Variants in SLC35F3 observed in about 807,000 individuals in gnomAD.
SLC35F3 encodes the protein solute carrier family 35 member F3, also known as putative thiamine transporter SLC35F3.
In SLC35F3, 25 loss-of-function variants were observed where a neutral mutation model predicts 49.9. That is an observed-to-expected ratio of 0.50 (90% CI 0.37 to 0.70). The LOEUF (loss-of-function observed/expected upper bound fraction) is 0.70. SLC35F3 is among the 30% of genes least tolerant of loss of function. The pLI, the probability that SLC35F3 is intolerant of heterozygous loss-of-function variation, is 0.00. For missense variants in SLC35F3, 525 were observed against 639.8 expected (o/e 0.82, Z 1.94); for synonymous variants, 275 against 265.4 (o/e 1.04, Z -0.35).
chr1:234,320,237 C>G lies in SLC35F3; in HGVS notation c.1237+50C>G. The stretch of plus-strand genomic sequence containing the variant: ...CTGCACATAAGCACACACACTCAGT[C>G]ACCTACTCACACACACATACACACA... On this transcript the variant is annotated intron_variant, in intron 7 of 7. Transcript: ENST00000366618. This position sits in a 1 kb window ranked among gnomAD's most constrained non-coding sequence, Gnocchi z 4.8. The G allele has an allele frequency of 7.8e-7, 1 of 1,281,710 alleles. No homozygotes were observed. Among genetic ancestry groups the G allele is most frequent in the Non-Finnish European group, 1.1e-6 (1 of 879,278 alleles). The allele number at this position is 1,281,710 out of a possible 1,614,324, so 79.4% of individuals were successfully genotyped here.
chr1:234,066,828 TCCCACA>T (rs1296889950), intron 2 of SLC35F3, among the ~76,000 whole-genome samples: 13 of 99,156 alleles, frequency 1.3e-4, no homozygotes, highest in South Asian at 4.0e-4. Flanking sequence ...TCCCTCTCTC[TCCCACA>T]CACACACACA....
At chr1:234,069,457 G>A (rs920178742) in intron 2 of SLC35F3, among the ~76,000 whole-genome samples, 4 of 151,808 alleles carry the variant, frequency 2.6e-5, no homozygotes, top group Non-Finnish European at 4.4e-5. Context: ...GAGTTTCACC[G>A]TGTTAGCCAG....
intron 2 of SLC35F3, among the ~76,000 whole-genome samples, chr1:233,915,845 A>G (rs1027029087): frequency 6.6e-6 from 1 of 152,176 alleles, no homozygotes; most frequent in African/African-American, 2.4e-5. Context: ...CTTATTCACT[A>G]TCATGAGAAC....
At chr1:234,062,229 C>T (rs2102863204) in intron 2 of SLC35F3, among the ~76,000 whole-genome samples, 1 of 152,210 alleles carries the variant, frequency 6.6e-6, no homozygotes, top group South Asian at 2.1e-4. Flanking sequence ...AGCTCCATTG[C>T]CTGAAGTTTC....
At chr1:234,028,893 C>T (rs1664016835) in intron 2 of SLC35F3, among the ~76,000 whole-genome samples, 1 of 152,020 alleles carries the variant, frequency 6.6e-6, no homozygotes, top group Non-Finnish European at 1.5e-5. Context: ...GACAAGCTGC[C>T]ATAGAGGGTG....
At chr1:234,018,717 TAACA>T (rs1484076430) in intron 2 of SLC35F3, among the ~76,000 whole-genome samples, 1 of 152,184 alleles carries the variant, frequency 6.6e-6, no homozygotes, top group African/African-American at 2.4e-5. Context: ...TTGATAAACA[TAACA>T]AACACTGATT....
intron 2 of SLC35F3, among the ~76,000 whole-genome samples, chr1:234,107,315 A>G (rs1256491856): frequency 6.6e-6 from 1 of 152,342 alleles, no homozygotes; most frequent in African/African-American, 2.4e-5. Context: ...TGCAAAGTTA[A>G]GTGACAAAAG....
chr1:234,295,564 G>A (rs1668578549), intron 3 of SLC35F3, among the ~76,000 whole-genome samples: 1 of 152,116 alleles, frequency 6.6e-6, no homozygotes, highest in Non-Finnish European at 1.5e-5. Flanking sequence ...TCAAATGTTT[G>A]GAATTTTCAT....
chr1:233,907,344 G>A (rs1484379272), intron 2 of SLC35F3, among the ~76,000 whole-genome samples: 1 of 152,226 alleles, frequency 6.6e-6, no homozygotes, highest in African/African-American at 2.4e-5. Context: ...TTGGGGGCTT[G>A]CCAGAGAGCT....
intron 3 of SLC35F3, among the ~76,000 whole-genome samples, chr1:234,267,707 C>T (rs1275027529): frequency 1.1e-4 from 14 of 124,952 alleles, no homozygotes; most frequent in African/African-American, 3.1e-4. Flanking sequence ...GACGGGGTGG[C>T]TGCCGGACGG....
intron 2 of SLC35F3, among the ~76,000 whole-genome samples, chr1:234,104,304 A>G (rs909855066): frequency 6.6e-6 from 1 of 152,224 alleles, no homozygotes; most frequent in Admixed American, 6.5e-5. Context: ...CTGGGAAAAT[A>G]TAATGTTCAT....
intron 3 of SLC35F3, among the ~76,000 whole-genome samples, chr1:234,259,888 A>G (rs1234566246): frequency 6.6e-6 from 1 of 152,104 alleles, no homozygotes; most frequent in African/African-American, 2.4e-5. Flanking sequence ...CTTAAAGAGT[A>G]TAATCACAGC....
At position 233,966,127 on chromosome 1, in the gene SLC35F3, A is replaced by G. The variant is rs183363798; in HGVS notation, c.283+60369A>G. Reference sequence around the variant, plus strand: ...GAAATGGTCTTCCAGTAAGTTATTTATAGGCAACAGAGGTTGTTAGCAGCC... The same window carrying G: ...GAAATGGTCTTCCAGTAAGTTATTTGTAGGCAACAGAGGTTGTTAGCAGCC... On this transcript the variant is annotated intron_variant, in intron 2 of 7. Transcript: ENST00000366618. Among the ~76,000 whole-genome samples, 409 of 152,320 alleles carry G rather than the reference A, an allele frequency of 2.7e-3. 2 individuals are homozygous for G. The highest frequency in any genetic ancestry group is 6.8e-3 in the Middle Eastern group (2 of 294).
chr1:234,165,777 T>C (rs777127792), intron 2 of SLC35F3, among the ~76,000 whole-genome samples: 3 of 152,156 alleles, frequency 2.0e-5, no homozygotes, highest in Non-Finnish European at 2.9e-5. Context: ...TTTGTGGTGG[T>C]GAAGTCTGGG....
At chr1:233,917,697 G>A (rs1334261317) in intron 2 of SLC35F3, among the ~76,000 whole-genome samples, 1 of 152,134 alleles carries the variant, frequency 6.6e-6, no homozygotes, top group African/African-American at 2.4e-5. Flanking sequence ...TATGTTTGTA[G>A]AGTTTCTCCA....
At chr1:234,152,697 T>C (rs974084522) in intron 2 of SLC35F3, among the ~76,000 whole-genome samples, 37 of 152,326 alleles carry the variant, frequency 2.4e-4, no homozygotes, top group Admixed American at 2.0e-3. Context: ...TACGTGTGCA[T>C]GTGTCTTTAT....
intron 2 of SLC35F3, among the ~76,000 whole-genome samples, chr1:234,182,741 A>G (rs1285577694): frequency 6.6e-6 from 1 of 150,770 alleles, no homozygotes; most frequent in Non-Finnish European, 1.5e-5. Context: ...GATATTGTCA[A>G]ACTTTGGGAT....
At chr1:234,059,491 T>C (rs188953389) in intron 2 of SLC35F3, among the ~76,000 whole-genome samples, 35 of 152,296 alleles carry the variant, frequency 2.3e-4, no homozygotes, top group African/African-American at 7.2e-4. Flanking sequence ...TTTCCCAAAA[T>C]TGTTTTTGTT....
intron 2 of SLC35F3, among the ~76,000 whole-genome samples, chr1:233,981,241 A>G (rs1331807751): frequency 1.3e-5 from 2 of 152,224 alleles, no homozygotes; most frequent in Admixed American, 6.5e-5. Context: ...TATGCATTGC[A>G]TAATCAAGAC....
Sources: allele counts gnomAD v4.1 joint callset (sites outside exome capture counted in the v4.1 genomes callset), GRCh38; gene constraint gnomAD v4.1.1; non-coding constraint Gnocchi (gnomAD v3.1); transcripts MANE v1.5; gene names NCBI Gene and HGNC (gene_info 2026-07-23, HGNC 2026-07-21).